FUNDC2: variants seen among roughly 807,000 people sequenced by gnomAD.
The protein encoded by FUNDC2 is FUN14 domain containing 2, also known as FUN14 domain-containing protein 2.
Under a neutral mutation model 15.6 loss-of-function variants are expected in FUNDC2, and 4 were observed. The ratio of observed to expected loss-of-function variants is 0.26; its 90% CI spans 0.13 to 0.59. The LOEUF is 0.59. Ranked by LOEUF, FUNDC2 falls within the 20% of genes least tolerant of loss-of-function variation. The probability of loss-of-function intolerance (pLI) is 0.90; values close to 1 mark genes in which losing one functional copy is unlikely to be tolerated. For synonymous variants in FUNDC2, 44 were observed against 56.9 expected, an observed-to-expected ratio of 0.77 and a Z score of 1.02; for missense variants, 98 against 149.7, an observed-to-expected ratio of 0.65 and a Z score of 1.80.
intron 2 of FUNDC2, among the ~76,000 whole-genome samples, chrX:155,035,306 A>T: frequency 9.0e-6 from 1 of 111,545 alleles, no homozygotes; most frequent in Non-Finnish European, 1.9e-5. Flanking sequence ...GCTTTATGTG[A>T]GTGTGTGTGC....
At chrX:155,044,230 A>C (rs1557289849) in intron 2 of FUNDC2, among the ~76,000 whole-genome samples, 1 of 111,816 alleles carries the variant, frequency 8.9e-6, no homozygotes, top group East Asian at 2.8e-4. Flanking sequence ...CTATATTGAG[A>C]ATAGATTCTA....
In FUNDC2 at chrX:155,033,491, T is replaced by C. The variant is rs1557288922; in HGVS notation, c.222T>C (p.Ser74=). 8.3e-7 allele frequency: 1 copy of C among 1,211,692 alleles called. No homozygotes were observed. Among genetic ancestry groups the C allele is most frequent in the South Asian group, 1.8e-5 (1 of 57,002 alleles). The change falls in exon 2 of 5, where the codon TCT becomes TCC. Residue 74 remains serine (S), a synonymous_variant. Coordinates refer to ENST00000369498, the MANE Select transcript of FUNDC2 (RefSeq NM_023934.4). ...GGCGTAAGCTGTTCGGGCAGGAATC[T>C]GGACCTTCAGCAGAAAAGTATAGCG... ...PWWRKLFGQE[S]GPSAEKYSVA... is the part of the protein sequence containing the mutation.
chrX:155,047,308 C>T, intron 3 of FUNDC2: 1 of 342,247 alleles, frequency 2.9e-6, no homozygotes, highest in Non-Finnish European at 5.9e-6. Context: ...GCTGTGGGAG[C>T]CATAACTTGC....
At chrX:155,047,147 G>A (rs1456990311) in intron 3 of FUNDC2, 3 of 254,506 alleles carry the variant, frequency 1.2e-5, no homozygotes, top group African/African-American at 8.6e-5. Flanking sequence ...ATTGTATTAG[G>A]CATACATTTC....
Position 155,053,813 on chromosome X carries a change from C to G in FUNDC2, c.493-782C>G, listed in dbSNP as rs140356397. 1.9e-3 allele frequency: 1,436 copies of G among 750,560 alleles called. 3 individuals are homozygous for G. The highest frequency in any genetic ancestry group is 0.011 in the South Asian group (157 of 14,606). The allele number at this position is 750,560 out of a possible 1,213,427, so 61.9% of individuals were successfully genotyped here. On this transcript the variant is annotated intron_variant, in intron 4 of 4. Transcript: ENST00000369498. ...GTTGGATGTCTTGTTCATATGAACA[C>G]TTTCTAAGGTGGTGATCACACTTAG...
chrX:155,027,423 C>T (rs1164470141), intron 1 of FUNDC2: 1 of 136,440 alleles, frequency 7.3e-6, no homozygotes, highest in Non-Finnish European at 1.5e-5. Flanking sequence ...CTCGTGGCGT[C>T]ATTCTGTGTA....
chrX:155,033,900 G>A (rs2073823460), intron 2 of FUNDC2, among the ~76,000 whole-genome samples: 1 of 112,361 alleles, frequency 8.9e-6, no homozygotes, highest in Non-Finnish European at 1.9e-5. Flanking sequence ...AGAATAAGGA[G>A]CTAACTACTT....
At chrX:155,034,122 T>C (rs1238911339) in intron 2 of FUNDC2, among the ~76,000 whole-genome samples, 2 of 112,529 alleles carry the variant, frequency 1.8e-5, no homozygotes, top group Non-Finnish European at 3.8e-5. Flanking sequence ...AGTGAACACC[T>C]ATGTAACAAC....
chrX:155,031,694 T>C (rs1243568104), intron 1 of FUNDC2, among the ~76,000 whole-genome samples: 1 of 112,730 alleles, frequency 8.9e-6, no homozygotes, highest in African/African-American at 3.2e-5. Flanking sequence ...GCATGGGTAG[T>C]AGTCATTTTC....
At chrX:155,042,843 TTTA>T (rs1221220882) in intron 2 of FUNDC2, among the ~76,000 whole-genome samples, 1 of 112,236 alleles carries the variant, frequency 8.9e-6, no homozygotes, top group Non-Finnish European at 1.9e-5. Flanking sequence ...TTTGATAGTT[TTTA>T]TTGCTATTTC....
chrX:155,054,933 C>G lies in FUNDC2; in HGVS notation c.*261C>G. The G allele has an allele frequency of 5.3e-6, 2 of 380,328 alleles. No individual in the cohort carries two copies. Among genetic ancestry groups the G allele is most frequent in the South Asian group, 6.4e-5 (1 of 15,518 alleles). 31.3% of individuals were successfully genotyped at this position (380,328 alleles called of 1,213,427 possible). A position where few individuals can be genotyped will look rare whatever the true frequency, so the allele number is the denominator to read the frequency against. On this transcript the variant is annotated 3_prime_UTR_variant, in exon 5 of 5. Transcript: ENST00000369498. ...AGTCTGTAGGCCAACAAGAAGGTTC[C>G]TTTACCCCCATGCAAGACACTTATG...
At chrX:155,041,091 C>T (rs958484851) in intron 2 of FUNDC2, among the ~76,000 whole-genome samples, 1 of 110,789 alleles carries the variant, frequency 9.0e-6, no homozygotes, top group African/African-American at 3.3e-5. Flanking sequence ...TTTTCAATTC[C>T]ATTTTCATAA....
chrX:155,038,372 A>G (rs1356818247), intron 2 of FUNDC2, among the ~76,000 whole-genome samples: 2 of 112,241 alleles, frequency 1.8e-5, no homozygotes, highest in African/African-American at 6.5e-5. Context: ...TTTTGTGGTG[A>G]GAACACTTAA....
Position 155,055,593 on chromosome X carries a change from C to G in FUNDC2, c.*921C>G. On this transcript the variant is annotated 3_prime_UTR_variant, in exon 5 of 5. Transcript: ENST00000369498. ...GTGTAATCTACCGTCTCATGATGAC[C>G]ACAACCCTGAGAATTATTCTTTAAA... 4.5e-6 allele frequency: 1 copy of G among 223,741 alleles called. No individual in the cohort carries two copies. The highest frequency in any genetic ancestry group is 8.0e-6 in the Non-Finnish European group (1 of 124,634). The allele number at this position is 223,741 out of a possible 1,213,427, so 18.4% of individuals were successfully genotyped here. A position where few individuals can be genotyped will look rare whatever the true frequency, so the allele number is the denominator to read the frequency against.
intron 4 of FUNDC2, among the ~76,000 whole-genome samples, chrX:155,052,895 T>C (rs1161691935): frequency 2.7e-5 from 3 of 112,749 alleles, no homozygotes; most frequent in African/African-American, 9.7e-5. Flanking sequence ...AAAAAAATTT[T>C]GTAAGAGAGG....
intron 2 of FUNDC2, among the ~76,000 whole-genome samples, chrX:155,041,215 C>T (rs1050450326): frequency 2.7e-5 from 3 of 111,629 alleles, no homozygotes; most frequent in African/African-American, 6.5e-5. Context: ...ATCTTCTACT[C>T]GTAGTCTGCC....
At chrX:155,049,265 C>T (rs1353735622) in intron 3 of FUNDC2, 1 of 112,740 alleles carries the variant, frequency 8.9e-6, no homozygotes, top group African/African-American at 3.2e-5. Flanking sequence ...TTGCTTTGCC[C>T]CTGCAGTGCA....
chrX:155,046,909 T>A (rs2073864592), intron 3 of FUNDC2: 2 of 244,220 alleles, frequency 8.2e-6, no homozygotes, highest in African/African-American at 2.8e-5. Context: ...CTGTGATGAT[T>A]TAGTGTCATA....
intron 2 of FUNDC2, among the ~76,000 whole-genome samples, chrX:155,041,993 C>T (rs1180531039): frequency 3.0e-5 from 3 of 100,054 alleles, no homozygotes; most frequent in South Asian, 4.9e-4. Context: ...GGCGTGAACC[C>T]GGGAGGCAGA....
Sources: allele counts gnomAD v4.1 joint callset (sites outside exome capture counted in the v4.1 genomes callset), GRCh38; gene constraint gnomAD v4.1.1; transcripts MANE v1.5; gene names NCBI Gene and HGNC (gene_info 2026-07-23, HGNC 2026-07-21).